ZNF782: variants seen among roughly 807,000 people sequenced by gnomAD.
ZNF782 encodes the protein zinc finger protein 782.
Under a neutral mutation model 13.0 loss-of-function variants are expected in ZNF782, and 12 were observed. The observed-to-expected ratio is 0.92, with a 90% CI of 0.59 to 1.50. The LOEUF (loss-of-function observed/expected upper bound fraction) is 1.50. Ranked by LOEUF, ZNF782 falls within the 40% of genes most tolerant of loss-of-function variation. ZNF782 has a pLI of 0.00. For synonymous variants in ZNF782, 284 were observed against 283.0 expected (o/e 1.00, Z -0.04); for missense variants, 770 against 822.9 (o/e 0.94, Z 0.79).
At chr9:96,841,445 C>T (rs1851186898) in intron 4 of ZNF782, among the ~76,000 whole-genome samples, 1 of 151,884 alleles carries the variant, frequency 6.6e-6, no homozygotes, top group African/African-American at 2.4e-5. Flanking sequence ...AACTACAGAC[C>T]AATTTCTCTC....
At chr9:96,926,361 T>G in the ZNF782 span, among the ~76,000 whole-genome samples, 1 of 152,084 alleles carries the variant, frequency 6.6e-6, no homozygotes, top group African/African-American at 2.4e-5. Flanking sequence ...CTCAGAAAGA[T>G]CTCCAAAGCA....
intron 4 of ZNF782, among the ~76,000 whole-genome samples, chr9:96,841,939 A>G (rs1349342616): frequency 6.6e-6 from 1 of 151,974 alleles, no homozygotes; most frequent in Non-Finnish European, 1.5e-5. Flanking sequence ...ATATGACATG[A>G]TAGCTTATGT....
In ZNF782 at chr9:96,841,114, T is replaced by A. The variant is rs117636278; in HGVS notation, c.142+3776A>T. 4.3e-4 allele frequency among the ~76,000 whole-genome samples: 66 copies of A among 152,122 alleles called. 1 individual carries two copies. The East Asian group carries it at 0.012, about 28-fold the overall frequency. The stretch of plus-strand genomic sequence containing the variant: ...AGACATCAAAATGATAATAATGGAA[T>A]GGTCTGAACATCTTTACACATATGA... On this transcript the variant is annotated intron_variant, in intron 4 of 5. Transcript: ENST00000481138.
the ZNF782 span, among the ~76,000 whole-genome samples, chr9:96,911,908 T>A: frequency 1.3e-5 from 2 of 152,092 alleles, no homozygotes; most frequent in East Asian, 3.9e-4. Context: ...TATGATTTGG[T>A]TAAAAAGGCC....
rs376941235 is a variant in ZNF782, at chr9:96,819,548, T to C, written c.475A>G (p.Lys159Glu). Reference protein sequence around the residue: ...SLMAPHCQYSKEKAHERNVCD... With the variant: ...SLMAPHCQYSEEKAHERNVCD... ...ACATTACGCTCATGAGCCTTTTCTT[T>C]TGAATACTGACAGTGTGGGGCCATC... Residue 159 changes from lysine (K) to glutamate (E), a missense_variant, in exon 6 of 6, where the codon AAA becomes GAA. Lys to Glu is a moderately conservative substitution (Grantham distance 56). Transcript: ENST00000481138. 2.3e-5 allele frequency: 37 copies of C among 1,612,586 alleles called. No individual in the cohort carries two copies. The highest frequency in any genetic ancestry group is 5.9e-6 in the Non-Finnish European group (7 of 1,179,524).
the ZNF782 span, chr9:96,891,748 G>C: frequency 6.6e-6 from 1 of 152,030 alleles, no homozygotes; most frequent in African/African-American, 2.4e-5. Flanking sequence ...TAGTGGAGAC[G>C]GGGTTTCACC....
intron 4 of ZNF782, among the ~76,000 whole-genome samples, chr9:96,840,769 C>T (rs1033836456): frequency 4.6e-5 from 7 of 151,994 alleles, no homozygotes; most frequent in African/African-American, 1.7e-4. Context: ...TAAAGCAGTG[C>T]TGAATTTTTT....
chr9:96,819,417 A>G lies in ZNF782; in HGVS notation c.606T>C (p.Val202=). The change falls in exon 6 of 6, where the codon GTT becomes GTC. Residue 202 remains valine, a synonymous_variant. Transcript: ENST00000481138. ...IVKTLHHKEE[V]IQHQTIQTLG... ...GAGTCTGAATTGTCTGATGTTGAAT[A>G]ACTTCCTCCTTATGATGGAGGGTTT... 6.2e-7 allele frequency: 1 copy of G among 1,611,148 alleles called. No homozygotes were observed. Among genetic ancestry groups the G allele is most frequent in the Non-Finnish European group, 8.5e-7 (1 of 1,179,284 alleles).
chr9:96,927,308 A>G, the ZNF782 span, among the ~76,000 whole-genome samples: 6 of 152,084 alleles, frequency 3.9e-5, no homozygotes, highest in East Asian at 1.9e-4. Flanking sequence ...GTGGATTTCT[A>G]ACTCCTGGAG....
chr9:96,918,019 C>G, the ZNF782 span, among the ~76,000 whole-genome samples: 6,673 of 148,088 alleles, frequency 0.045, 452 homozygotes, highest in East Asian at 0.33. Flanking sequence ...TGGGATTGTA[C>G]GTATGGGCCA....
the ZNF782 span, chr9:96,887,311 AAG>A: frequency 7.1e-6 from 1 of 140,936 alleles, no homozygotes; most frequent in Non-Finnish European, 1.5e-5. Context: ...GGAAGGAAGG[AAG>A]GAAGGAAGGA....
chr9:96,844,720 GTGC>G (rs1431889707), intron 4 of ZNF782, among the ~76,000 whole-genome samples, 167 bp downstream of exon 4: 2 of 152,128 alleles, frequency 1.3e-5, no homozygotes, highest in African/African-American at 4.8e-5. Context: ...ACACTGAAAG[GTGC>G]TGAATTTTAT....
chr9:96,876,333 A>C (rs1487173971), upstream of ZNF782, among the ~76,000 whole-genome samples: 1 of 152,270 alleles, frequency 6.6e-6, no homozygotes, highest in African/African-American at 2.4e-5. Context: ...ACAATTTTTC[A>C]GCAAAAACTA....
At chr9:96,876,835 G>A (rs929826866), upstream of ZNF782, among the ~76,000 whole-genome samples, 113 of 150,196 alleles carry the variant, frequency 7.5e-4, 1 homozygote, top group Non-Finnish European at 1.4e-3. Flanking sequence ...GTGAAACCAC[G>A]TCTCTACTAA....
chr9:96,822,554 T>C (rs1326514335), intron 5 of ZNF782, among the ~76,000 whole-genome samples: 1 of 152,234 alleles, frequency 6.6e-6, no homozygotes, highest in Non-Finnish European at 1.5e-5. Context: ...TCCCCCTTTT[T>C]CGAATTGAGA....
In ZNF782 at chr9:96,819,416, T is replaced by C. The variant is rs577592938; in HGVS notation, c.607A>G (p.Ile203Val). Residue 203 changes from isoleucine (I) to valine (V), a missense_variant, in exon 6 of 6, where the codon ATT becomes GTT. Transcript: ENST00000481138. ...VKTLHHKEEV[I>V]QHQTIQTLGQ... is the part of the protein sequence containing the mutation. The stretch of plus-strand genomic sequence containing the variant: ...AGAGTCTGAATTGTCTGATGTTGAA[T>C]AACTTCCTCCTTATGATGGAGGGTT... 1.2e-5 allele frequency: 19 copies of C among 1,610,718 alleles called. No individual in the cohort carries two copies. The highest frequency in any genetic ancestry group is 1.5e-5 in the Non-Finnish European group (18 of 1,179,210).
At chr9:96,932,056 A>T in the ZNF782 span, 1 of 1,609,172 alleles carries the variant, frequency 6.2e-7, no homozygotes, top group African/African-American at 1.3e-5. Context: ...CCCTCTGTGG[A>T]GGTGTCATGT....
intron 5 of ZNF782, among the ~76,000 whole-genome samples, chr9:96,820,388 TTC>T (rs1850371437): frequency 6.6e-6 from 1 of 152,186 alleles, no homozygotes; most frequent in Non-Finnish European, 1.5e-5. Flanking sequence ...AACATTTTAA[TTC>T]TGTCTGCATT....
chr9:96,879,153 G>A (rs902247509), upstream of ZNF782, among the ~76,000 whole-genome samples: 1 of 152,212 alleles, frequency 6.6e-6, no homozygotes, highest in Non-Finnish European at 1.5e-5. Context: ...GAATAAAAGA[G>A]ATAAAAATCC....
Sources: gnomAD v4.1 joint callset for allele counts (sites outside exome capture counted in the v4.1 genomes callset) on GRCh38, gnomAD v4.1.1 for gene constraint, MANE v1.5 for transcripts, NCBI Gene and HGNC (gene_info 2026-07-23, HGNC 2026-07-21) for gene names.